PPARD: variants seen among roughly 807,000 people sequenced by gnomAD.
PPARD encodes the protein peroxisome proliferator-activated receptor delta.
A neutral mutation model predicts 39.5 loss-of-function variants in PPARD; 6 were observed. That is an observed-to-expected ratio of 0.15 (90% CI 0.08 to 0.30). PPARD has a LOEUF of 0.30. Among genes scored for constraint, PPARD ranks in the 10% least tolerant of loss-of-function variants. PPARD has a pLI of 1.00. For missense variants in PPARD, 397 were observed against 596.8 expected, an observed-to-expected ratio of 0.67 and a Z score of 3.49; for synonymous variants, 210 against 231.3, an observed-to-expected ratio of 0.91 and a Z score of 0.83.
At position 35,426,087 on chromosome 6, in the gene PPARD, A is replaced by C. The variant is rs199528945; in HGVS notation, c.*8A>C. 1.7e-5 allele frequency: 27 copies of C among 1,608,626 alleles called. No homozygotes were observed. Among genetic ancestry groups the C allele is most frequent in the Non-Finnish European group, 2.3e-5 (27 of 1,179,240 alleles). On this transcript the variant is annotated 3_prime_UTR_variant, in exon 8 of 8. Transcript: ENST00000360694. ...TACAAGGACATGTACTAACGGCGGC[A>C]CCCAGGCCTCCCTGCAGACTCCAAT...
chr6:35,366,950 T>C lies in PPARD; in HGVS notation c.-102+19800T>C, dbSNP rs1762236545. On this transcript the variant is annotated intron_variant, in intron 2 of 7. Coordinates refer to ENST00000360694, the MANE Select transcript of PPARD (RefSeq NM_006238.5). The surrounding 1 kb of genome is among the most constrained non-coding windows in gnomAD (Gnocchi z 4.6). ...ATATGGTCTTGCGTATGGCCAGACT[T>C]ATGACTTGCGTATGGTCATAAAGGT... Among the ~76,000 whole-genome samples the C allele has an allele frequency of 6.6e-6, 1 of 152,246 alleles. No homozygotes were observed. Among genetic ancestry groups the C allele is most frequent in the Non-Finnish European group, 1.5e-5 (1 of 68,042 alleles).
rs200767985 is a variant in PPARD, at chr6:35,426,174, G to A, written c.*95G>A. On this transcript the variant is annotated 3_prime_UTR_variant, in exon 8 of 8. Coordinates refer to ENST00000360694, the MANE Select transcript of PPARD (RefSeq NM_006238.5). ...TCCATTGACCAGCCCTTGAGCACCC[G>A]GCCTGGAGCAGCAGAGTCCCACGAT... 19 of 1,502,166 alleles carry A rather than the reference G, an allele frequency of 1.3e-5. No homozygotes were observed. Among genetic ancestry groups the A allele is most frequent in the Admixed American group, 9.9e-5 (5 of 50,556 alleles). 93.1% of individuals were successfully genotyped at this position (1,502,166 alleles called of 1,614,324 possible). A position where few individuals can be genotyped will look rare whatever the true frequency, so the allele number is the denominator to read the frequency against.
At chr6:35,397,573 TCTCTACAGGA>T in intron 2 of PPARD, 7 of 984,796 alleles carry the variant, frequency 7.1e-6, no homozygotes, top group Non-Finnish European at 8.4e-6. Flanking sequence ...GGAGCAGTGA[TCTCTACAGGA>T]CTGCTTCAAG....
chr6:35,352,755 C>T (rs769794987), intron 2 of PPARD, among the ~76,000 whole-genome samples: 3 of 152,128 alleles, frequency 2.0e-5, no homozygotes, highest in Non-Finnish European at 2.9e-5. Flanking sequence ...GAATGGAGTG[C>T]GTATACATGA....
In PPARD at chr6:35,424,492, C is replaced by T. The variant is rs1302730925; in HGVS notation, c.791C>T (p.Ala264Val). The T allele has an allele frequency of 6.8e-6, 11 of 1,614,216 alleles. No individual in the cohort carries two copies. The highest frequency in any genetic ancestry group is 9.3e-6 in the Non-Finnish European group (11 of 1,180,038). The change falls in exon 7 of 8, where the codon GCC becomes GTC. Residue 264 changes from alanine (A) to valine (V), a missense_variant. Physicochemically the swap from Ala to Val is moderately conservative, Grantham distance 64. Coordinates refer to ENST00000360694, the MANE Select transcript of PPARD (RefSeq NM_006238.5). This position sits in a 1 kb window ranked among gnomAD's most constrained non-coding sequence, Gnocchi z 7.1. ...ACCGTGCGGGAGCTCACTGAGTTCG[C>T]CAAGAGCATCCCCAGCTTCAGCAGC... Reference protein sequence around the residue: ...VETVRELTEFAKSIPSFSSLF... With the variant: ...VETVRELTEFVKSIPSFSSLF...
intron 2 of PPARD, among the ~76,000 whole-genome samples, chr6:35,396,077 C>G (rs960771307): frequency 6.7e-6 from 1 of 149,304 alleles, no homozygotes; most frequent in African/African-American, 2.6e-5. Context: ...TCCCTGCCTC[C>G]CTGTCTCCTT....
chr6:35,370,825 G>A lies in PPARD; in HGVS notation c.-102+23675G>A, dbSNP rs376402517. ...GGTTGGGATTGGAAAAAAAAAGAGC[G>A]GCTAGATGGCAAGGCAGCTCTTGTG... On this transcript the variant is annotated intron_variant, in intron 2 of 7. Transcript: ENST00000360694. 4.0e-4 allele frequency among the ~76,000 whole-genome samples: 61 copies of A among 152,284 alleles called. 1 individual carries two copies. The highest frequency in any genetic ancestry group is 1.4e-3 in the African/African-American group (58 of 41,552).
intron 2 of PPARD, among the ~76,000 whole-genome samples, chr6:35,393,360 C>A (rs1764127568): frequency 1.3e-5 from 2 of 152,218 alleles, no homozygotes; most frequent in Admixed American, 6.5e-5. Context: ...CTGACTCTTT[C>A]AAGAGAGTCC....
At chr6:35,360,476 AG>A (rs1761870952) in intron 2 of PPARD, among the ~76,000 whole-genome samples, 1 of 152,208 alleles carries the variant, frequency 6.6e-6, no homozygotes, top group Non-Finnish European at 1.5e-5. Flanking sequence ...GACAAGGTGT[AG>A]GATCAGAGAG....
intron 2 of PPARD, among the ~76,000 whole-genome samples, chr6:35,372,095 CT>C (rs982336694): frequency 3.3e-5 from 5 of 152,256 alleles, no homozygotes; most frequent in Admixed American, 6.5e-5. Context: ...GTTTCCTCTT[CT>C]GGAAAATGGA....
chr6:35,375,523 T>C (rs2150561738), intron 2 of PPARD, among the ~76,000 whole-genome samples: 1 of 151,450 alleles, frequency 6.6e-6, no homozygotes, highest in Admixed American at 6.6e-5. Context: ...GCCCGGAATT[T>C]TCTTTATTTC....
intron 2 of PPARD, among the ~76,000 whole-genome samples, chr6:35,376,231 T>C (rs1426441960): frequency 6.6e-6 from 1 of 152,224 alleles, no homozygotes; most frequent in African/African-American, 2.4e-5. Context: ...TTTCTTAAGT[T>C]CTGGAAAATT....
chr6:35,372,364 A>AGACG (rs1277691786), intron 2 of PPARD, among the ~76,000 whole-genome samples: 1 of 152,068 alleles, frequency 6.6e-6, no homozygotes, highest in Non-Finnish European at 1.5e-5. Flanking sequence ...TTTTTAGTAG[A>AGACG]GACGGGGTTT....
At chr6:35,347,190 C>T (rs200194635) in intron 2 of PPARD, 40 bp downstream of exon 2, 2 of 1,532,978 alleles carry the variant, frequency 1.3e-6, no homozygotes, top group Non-Finnish European at 1.7e-6. Context: ...CTGACCACCA[C>T]TGACACAGGA....
intron 2 of PPARD, among the ~76,000 whole-genome samples, chr6:35,405,732 C>A (rs1167029780): frequency 6.6e-6 from 1 of 151,608 alleles, no homozygotes. Flanking sequence ...CAGGTTCAGG[C>A]GATTCTCGTG....
chr6:35,397,662 A>C (rs746868789), intron 2 of PPARD: 1 of 605,040 alleles, frequency 1.7e-6, no homozygotes, highest in Middle Eastern at 8.4e-4. Flanking sequence ...GGTTATGTGA[A>C]TCTAACAACA....
At chr6:35,345,408 C>G (rs1469481232) in intron 1 of PPARD, among the ~76,000 whole-genome samples, 1 of 152,054 alleles carries the variant, frequency 6.6e-6, no homozygotes, top group Admixed American at 6.6e-5. Flanking sequence ...GCTTCAGCCT[C>G]CAGAGTAGCG....
In PPARD at chr6:35,417,250, C is replaced by T. The variant is rs60533486; in HGVS notation, c.131-2877C>T. 4.3e-3 allele frequency among the ~76,000 whole-genome samples: 646 copies of T among 151,894 alleles called. 8 individuals carry two copies. Among genetic ancestry groups the T allele is most frequent in the African/African-American group, 0.013 (534 of 41,414 alleles). ...AACTCCTGGGCTCAAGTGATCCTCC[C>T]GCCTCAGCCTCCCAAAGTGTTGGGA... On this transcript the variant is annotated intron_variant, in intron 3 of 7. Coordinates refer to ENST00000360694, the MANE Select transcript of PPARD (RefSeq NM_006238.5).
Position 35,421,919 on chromosome 6 carries a change from C to G in PPARD, c.385C>G (p.Arg129Gly), listed in dbSNP as rs1766197409. Residue 129 changes from arginine to glycine, a missense_variant, in exon 5 of 8, where the codon CGC becomes GGC. Arg to Gly is a moderately radical substitution (Grantham distance 125). Transcript: ENST00000360694. ...GAACCGCAACAAGTGCCAGTACTGC[C>G]GCTTCCAGAAGTGCCTGGCACTGGG... Reference protein sequence around the residue: ...KKNRNKCQYCRFQKCLALGMS... With the variant: ...KKNRNKCQYCGFQKCLALGMS... 6.2e-7 allele frequency: 1 copy of G among 1,613,772 alleles called. No homozygotes were observed. The highest frequency in any genetic ancestry group is 1.7e-5 in the Admixed American group (1 of 59,978).
Sources: allele counts gnomAD v4.1 joint callset (sites outside exome capture counted in the v4.1 genomes callset), GRCh38; gene constraint gnomAD v4.1.1; non-coding constraint Gnocchi (gnomAD v3.1); transcripts MANE v1.5; gene names NCBI Gene and HGNC (gene_info 2026-07-23, HGNC 2026-07-21).